Variants in PDGFC observed in about 807,000 individuals in gnomAD.
PDGFC encodes platelet derived growth factor C, also known as platelet-derived growth factor C.
A neutral mutation model predicts 35.5 loss-of-function variants in PDGFC; 12 were observed. The observed-to-expected ratio is 0.34, with a 90% CI of 0.22 to 0.55. The LOEUF is 0.55. Ranked by LOEUF, PDGFC falls within the 20% of genes least tolerant of loss-of-function variation. The pLI is 0.91. For synonymous variants in PDGFC, 159 were observed against 148.8 expected, an observed-to-expected ratio of 1.07 and a Z score of -0.50; for missense variants, 322 against 412.4, an observed-to-expected ratio of 0.78 and a Z score of 1.90.
intron 1 of PDGFC, among the ~76,000 whole-genome samples, chr4:156,909,816 C>A (rs1316230222): frequency 6.6e-6 from 1 of 152,112 alleles, no homozygotes; most frequent in Non-Finnish European, 1.5e-5. Flanking sequence ...GAAATAATGT[C>A]TTTTCAGATT....
At chr4:156,844,619 T>G (rs1468694646) in intron 2 of PDGFC, among the ~76,000 whole-genome samples, 1 of 151,732 alleles carries the variant, frequency 6.6e-6, no homozygotes, top group African/African-American at 2.4e-5. Context: ...ATAAGAAAGT[T>G]GAAAGTAAAA....
intron 3 of PDGFC, among the ~76,000 whole-genome samples, chr4:156,809,215 C>T (rs1731857492): frequency 6.6e-6 from 1 of 151,982 alleles, no homozygotes; most frequent in African/African-American, 2.4e-5. Flanking sequence ...ATTTACCAAT[C>T]ATTGTTAAAT....
chr4:156,796,490 T>C lies in PDGFC; in HGVS notation c.495+14347A>G, dbSNP rs577808077. ...GCGGACAGTATACAGGACCACTTTG[T>C]ATTTTTTTTTTTTTTTTTTTTTTTT... On this transcript the variant is annotated intron_variant, in intron 3 of 5. Transcript: ENST00000502773. 5.8e-3 allele frequency among the ~76,000 whole-genome samples: 778 copies of C among 133,128 alleles called. 3 individuals are homozygous for C. Among genetic ancestry groups the C allele is most frequent in the African/African-American group, 0.023 (754 of 32,652 alleles). 87.3% of individuals were successfully genotyped at this position (133,128 alleles called of 152,430 possible).
chr4:156,846,692 C>A (rs1160887027), intron 2 of PDGFC, among the ~76,000 whole-genome samples: 1 of 151,624 alleles, frequency 6.6e-6, no homozygotes, highest in African/African-American at 2.4e-5. Flanking sequence ...TACTAATGTT[C>A]GATGGGAAAT....
intron 1 of PDGFC, among the ~76,000 whole-genome samples, chr4:156,946,772 A>C (rs1731957986): frequency 6.6e-6 from 1 of 152,034 alleles, no homozygotes; most frequent in Non-Finnish European, 1.5e-5. Flanking sequence ...CCTCACTTAG[A>C]CCAGAAGGAG....
intron 1 of PDGFC, among the ~76,000 whole-genome samples, chr4:156,920,319 C>G (rs560166409): frequency 6.6e-6 from 1 of 152,288 alleles, no homozygotes; most frequent in African/African-American, 2.4e-5. Context: ...AAAATGGCCC[C>G]TGCCTAAACA....
At chr4:156,812,363 C>T (rs1731957026) in intron 2 of PDGFC, among the ~76,000 whole-genome samples, 1 of 151,880 alleles carries the variant, frequency 6.6e-6, no homozygotes, top group Admixed American at 6.6e-5. Context: ...AATTACTTTG[C>T]TATTTTAATA....
At chr4:156,957,622 C>T (rs931223776) in intron 1 of PDGFC, among the ~76,000 whole-genome samples, 4 of 152,050 alleles carry the variant, frequency 2.6e-5, no homozygotes, top group African/African-American at 7.2e-5. Context: ...GTTCAGCAAC[C>T]TTCATTCTGT....
intron 1 of PDGFC, among the ~76,000 whole-genome samples, chr4:156,960,386 C>G (rs1320064018): frequency 6.6e-6 from 1 of 150,842 alleles, no homozygotes; most frequent in Admixed American, 6.6e-5. Flanking sequence ...TGTATTGCCT[C>G]TACAATACAA....
chr4:156,900,857 C>G (rs1899570), intron 1 of PDGFC, among the ~76,000 whole-genome samples: 146,617 of 149,056 alleles, frequency 0.98, 72,152 homozygotes, highest in East Asian at 1. Flanking sequence ...AAGGAAGGAA[C>G]GAAGCAAGGA....
chr4:156,900,024 CTAAA>C (rs1327152195), intron 1 of PDGFC, among the ~76,000 whole-genome samples: 2 of 152,070 alleles, frequency 1.3e-5, no homozygotes, highest in African/African-American at 4.8e-5. Context: ...ACCTGCATCT[CTAAA>C]TAAATATTAT....
At chr4:156,789,720 C>A (rs1055311641) in intron 3 of PDGFC, among the ~76,000 whole-genome samples, 2 of 152,096 alleles carry the variant, frequency 1.3e-5, no homozygotes, top group African/African-American at 4.8e-5. Context: ...CTCACACCTG[C>A]AATCCCAGCA....
chr4:156,798,377 G>C (rs1351348671), intron 3 of PDGFC, among the ~76,000 whole-genome samples: 1 of 152,168 alleles, frequency 6.6e-6, no homozygotes, highest in Non-Finnish European at 1.5e-5. Context: ...AAATTGCTCA[G>C]TGACATGAAA....
At chr4:156,941,013 A>G (rs1313952810) in intron 1 of PDGFC, among the ~76,000 whole-genome samples, 1 of 152,190 alleles carries the variant, frequency 6.6e-6, no homozygotes, top group Admixed American at 6.6e-5. Context: ...GGTAACTATC[A>G]ATAGATATAA....
chr4:156,846,847 T>A (rs1209197198), intron 2 of PDGFC, among the ~76,000 whole-genome samples: 1 of 151,538 alleles, frequency 6.6e-6, no homozygotes, highest in Non-Finnish European at 1.5e-5. Context: ...GGAAAGCACT[T>A]CAAATGAAAA....
chr4:156,815,280 T>G (rs938964819), intron 2 of PDGFC, among the ~76,000 whole-genome samples: 2 of 150,874 alleles, frequency 1.3e-5, no homozygotes, highest in Non-Finnish European at 2.9e-5. Flanking sequence ...CAATAACTAT[T>G]AAGACATCTA....
intron 1 of PDGFC, among the ~76,000 whole-genome samples, chr4:156,937,219 A>G (rs1294803409): frequency 6.6e-6 from 1 of 152,204 alleles, no homozygotes; most frequent in African/African-American, 2.4e-5. Flanking sequence ...CAAGGATGCA[A>G]TCTTGGAAAC....
chr4:156,883,831 T>C (rs1326674659), intron 1 of PDGFC, among the ~76,000 whole-genome samples: 1 of 152,216 alleles, frequency 6.6e-6, no homozygotes, highest in Non-Finnish European at 1.5e-5. Flanking sequence ...AATATTATTA[T>C]ACCTGAGGGG....
At chr4:156,966,903 C>T (rs776480760) in intron 1 of PDGFC, among the ~76,000 whole-genome samples, 18 of 152,092 alleles carry the variant, frequency 1.2e-4, no homozygotes, top group Admixed American at 1.3e-4. Flanking sequence ...GAAAAATTAC[C>T]ACATAATAGA....
Sources: gnomAD v4.1 joint callset for allele counts (sites outside exome capture counted in the v4.1 genomes callset) on GRCh38, gnomAD v4.1.1 for gene constraint, MANE v1.5 for transcripts, NCBI Gene and HGNC (gene_info 2026-07-23, HGNC 2026-07-21) for gene names.